Variants in RCOR1 observed in about 807,000 individuals in gnomAD.
The protein encoded by RCOR1 is REST corepressor.
A neutral mutation model predicts 64.0 loss-of-function variants in RCOR1; 12 were observed. The ratio of observed to expected loss-of-function variants is 0.19; its 90% CI spans 0.12 to 0.30. The LOEUF (loss-of-function observed/expected upper bound fraction) is 0.30. Among genes scored for constraint, RCOR1 ranks in the 10% least tolerant of loss-of-function variants. The probability of loss-of-function intolerance (pLI) is 1.00; values close to 1 mark genes in which losing one functional copy is unlikely to be tolerated. For synonymous variants in RCOR1, 279 were observed against 227.2 expected (o/e 1.23, Z -2.05); for missense variants, 502 against 621.2 (o/e 0.81, Z 2.04).
At chr14:102,707,649 G>A (rs1321788745) in intron 5 of RCOR1, 137 bp downstream of exon 5, 1 of 740,690 alleles carries the variant, frequency 1.4e-6, no homozygotes, top group African/African-American at 1.8e-5. Flanking sequence ...ATTCAGCTTA[G>A]TACATGCTGC....
intron 10 of RCOR1, among the ~76,000 whole-genome samples, chr14:102,721,819 T>G (rs1566714647): frequency 6.6e-6 from 1 of 152,200 alleles, no homozygotes; most frequent in African/African-American, 2.4e-5. Context: ...GAGCTCTGAC[T>G]AGCCAGGAAG....
chr14:102,659,156 C>G lies in RCOR1; in HGVS notation c.362-22739C>G, dbSNP rs1161480367. ...CCGACTTACTGGACTTTTTATTTGA[C>G]TTTTTAAAAAGAAGCTCTTTAGATA... is the stretch of plus-strand genomic sequence containing the variant. On this transcript the variant is annotated intron_variant, in intron 2 of 11. Transcript: ENST00000262241. 13 of 985,196 alleles carry G rather than the reference C, an allele frequency of 1.3e-5. No individual in the cohort carries two copies. In the East Asian group the frequency reaches 1.0e-3, roughly 77 times the overall value. 61.0% of individuals were successfully genotyped at this position (985,196 alleles called of 1,614,324 possible). A position where few individuals can be genotyped will look rare whatever the true frequency, so the allele number is the denominator to read the frequency against.
At chr14:102,684,278 T>C (rs915589763) in intron 3 of RCOR1, among the ~76,000 whole-genome samples, 1 of 152,112 alleles carries the variant, frequency 6.6e-6, no homozygotes, top group Non-Finnish European at 1.5e-5. Flanking sequence ...GTTATGAAAA[T>C]TGAAGAGAAA....
chr14:102,682,857 A>C (rs1421159998), intron 3 of RCOR1, among the ~76,000 whole-genome samples: 2 of 152,220 alleles, frequency 1.3e-5, no homozygotes, highest in Non-Finnish European at 2.9e-5. Flanking sequence ...CATAGTTCAA[A>C]GAGTCAGAGG....
intron 2 of RCOR1, among the ~76,000 whole-genome samples, chr14:102,636,259 A>G (rs983224170): frequency 7.9e-5 from 12 of 151,712 alleles, no homozygotes; most frequent in African/African-American, 2.9e-4. Context: ...TTTCTAAAAA[A>G]AATTTTTTTT....
chr14:102,669,736 T>C (rs1183734017), intron 2 of RCOR1, among the ~76,000 whole-genome samples: 1 of 152,238 alleles, frequency 6.6e-6, no homozygotes, highest in African/African-American at 2.4e-5. Flanking sequence ...GCCTAGCACA[T>C]AGTAAGCATT....
At chr14:102,638,721 G>C (rs1019671227) in intron 2 of RCOR1, among the ~76,000 whole-genome samples, 1 of 152,020 alleles carries the variant, frequency 6.6e-6, no homozygotes, top group Non-Finnish European at 1.5e-5. Flanking sequence ...AGGCTGGAGT[G>C]CAGTGGCACA....
chr14:102,663,791 G>T (rs1170061263), intron 2 of RCOR1, among the ~76,000 whole-genome samples: 1 of 152,188 alleles, frequency 6.6e-6, no homozygotes, highest in Non-Finnish European at 1.5e-5. Flanking sequence ...CTTTGTTTAG[G>T]TTTGACGATC....
intron 2 of RCOR1, among the ~76,000 whole-genome samples, chr14:102,627,770 G>A (rs1189696612): frequency 2.6e-5 from 4 of 151,384 alleles, no homozygotes; most frequent in Non-Finnish European, 4.4e-5. Context: ...TCAGGCTTTT[G>A]CCCCCACTGC....
Position 102,726,680 on chromosome 14 carries a change from T to A in RCOR1, c.*174T>A. 1.7e-6 allele frequency: 1 copy of A among 597,094 alleles called. No homozygotes were observed. The highest frequency in any genetic ancestry group is 2.9e-6 in the Non-Finnish European group (1 of 346,694). The allele number at this position is 597,094 out of a possible 1,614,324, so 37.0% of individuals were successfully genotyped here. A position where few individuals can be genotyped will look rare whatever the true frequency, so the allele number is the denominator to read the frequency against. ...TCTGCCTTAATTCTTTGCTCGTTCC[T>A]CCATGTTGGCGCCACTTCCCAGAGA... On this transcript the variant is annotated 3_prime_UTR_variant, in exon 12 of 12. Coordinates refer to ENST00000262241, the MANE Select transcript of RCOR1 (RefSeq NM_015156.4).
intron 2 of RCOR1, among the ~76,000 whole-genome samples, chr14:102,677,905 G>T (rs1422221573): frequency 1.3e-5 from 2 of 149,494 alleles, no homozygotes; most frequent in Non-Finnish European, 3.0e-5. Flanking sequence ...CTCCAGCCTG[G>T]GCACCATTGA....
At chr14:102,622,901 T>C (rs753617052) in intron 2 of RCOR1, among the ~76,000 whole-genome samples, 4 of 152,224 alleles carry the variant, frequency 2.6e-5, no homozygotes, top group African/African-American at 7.2e-5. Context: ...CTGTGGAGGA[T>C]TGAACCTCTT....
intron 2 of RCOR1, among the ~76,000 whole-genome samples, chr14:102,653,919 C>A: frequency 7.2e-6 from 1 of 139,124 alleles, no homozygotes; most frequent in Admixed American, 7.3e-5. Context: ...TCAGGTATTT[C>A]CTTCTTTCTT....
chr14:102,680,281 A>C (rs1208518443), intron 2 of RCOR1, among the ~76,000 whole-genome samples: 1 of 152,088 alleles, frequency 6.6e-6, no homozygotes, highest in East Asian at 1.9e-4. Flanking sequence ...TGTAGATTCT[A>C]CAAAATGTAG....
intron 3 of RCOR1, among the ~76,000 whole-genome samples, chr14:102,689,909 A>C (rs1180056437): frequency 6.6e-6 from 1 of 151,928 alleles, no homozygotes; most frequent in African/African-American, 2.4e-5. Context: ...ATGCCCAGCT[A>C]ATTTTTTGTA....
rs74082472 is a variant in RCOR1, at chr14:102,660,972, C to T, written c.362-20923C>T. 5.0e-3 allele frequency among the ~76,000 whole-genome samples: 761 copies of T among 152,186 alleles called. 5 individuals carry two copies. Among genetic ancestry groups the T allele is most frequent in the African/African-American group, 0.017 (709 of 41,524 alleles). ...TTAGTGATATTGCTCAGCTCTTTTT[C>T]AAAGGGATAAAGCACTGTAAAGAGA... On this transcript the variant is annotated intron_variant, in intron 2 of 11. Coordinates refer to ENST00000262241, the MANE Select transcript of RCOR1 (RefSeq NM_015156.4).
At chr14:102,696,185 TG>T (rs933579017) in intron 3 of RCOR1, among the ~76,000 whole-genome samples, 6 of 152,264 alleles carry the variant, frequency 3.9e-5, no homozygotes, top group African/African-American at 1.4e-4. Flanking sequence ...GCCTGTGTGT[TG>T]TCTCAAGCTA....
At chr14:102,684,667 T>G (rs1007204464) in intron 3 of RCOR1, among the ~76,000 whole-genome samples, 1 of 152,192 alleles carries the variant, frequency 6.6e-6, no homozygotes, top group Non-Finnish European at 1.5e-5. Flanking sequence ...AAAATTCACC[T>G]ATTATTCCAT....
At position 102,685,095 on chromosome 14, in the gene RCOR1, C is replaced by T. The variant is rs1219148211; in HGVS notation, c.445+3117C>T. The stretch of plus-strand genomic sequence containing the variant: ...GTGTGTGTGTTTTTTTTTTCCTCTT[C>T]TTTTCAAAGTGGCTGTTCAGAGTTC... On this transcript the variant is annotated intron_variant, in intron 3 of 11. Coordinates refer to ENST00000262241, the MANE Select transcript of RCOR1 (RefSeq NM_015156.4). 8.0e-5 allele frequency among the ~76,000 whole-genome samples: 12 copies of T among 150,804 alleles called. No homozygotes were observed. The East Asian group carries it at 2.3e-3, about 29-fold the overall frequency.
Sources: allele counts gnomAD v4.1 joint callset (sites outside exome capture counted in the v4.1 genomes callset), GRCh38; gene constraint gnomAD v4.1.1; transcripts MANE v1.5; gene names NCBI Gene and HGNC (gene_info 2026-07-23, HGNC 2026-07-21).